The following TGFB2 variants were observed in gnomAD, a reference collection of about 807,000 sequenced individuals.
TGFB2 encodes transforming growth factor beta-2 proprotein.
In TGFB2, 13 loss-of-function variants were observed where a neutral mutation model predicts 42.7. The ratio of observed to expected loss-of-function variants is 0.30; its 90% CI spans 0.20 to 0.48. The LOEUF (loss-of-function observed/expected upper bound fraction) is 0.48. Ranked by LOEUF, TGFB2 falls within the 20% of genes least tolerant of loss-of-function variation. The pLI is 0.99. For synonymous variants in TGFB2, 193 were observed against 193.6 expected (o/e 1.00, Z 0.03); for missense variants, 390 against 517.5 (o/e 0.75, Z 2.39).
chr1:218,442,891 C>A lies in TGFB2; in HGVS notation c.*1529C>A, dbSNP rs937220134. The stretch of plus-strand genomic sequence containing the variant: ...TATTGAGTTAAGAAAAGTTTCTCTA[C>A]CTTGGTTTAATCAATATTTTTGTAA... On this transcript the variant is annotated 3_prime_UTR_variant, in exon 7 of 7. Transcript: ENST00000366930. 2.6e-5 allele frequency: 4 copies of A among 152,148 alleles called. No individual in the cohort carries two copies. The highest frequency in any genetic ancestry group is 9.7e-5 in the African/African-American group (4 of 41,446). The allele number at this position is 152,148 out of a possible 1,614,324, so 9.4% of individuals were successfully genotyped here.
intron 2 of TGFB2, among the ~76,000 whole-genome samples, chr1:218,409,228 G>A (rs1325681969): frequency 6.6e-6 from 1 of 152,218 alleles, no homozygotes; most frequent in Non-Finnish European, 1.5e-5. Context: ...CCATGGACCT[G>A]TACCGTCCAG....
chr1:218,373,836 G>A (rs759712175), intron 1 of TGFB2, among the ~76,000 whole-genome samples: 3 of 152,180 alleles, frequency 2.0e-5, no homozygotes, highest in Non-Finnish European at 2.9e-5. Context: ...AAAAAGACAA[G>A]TCTGGATGTG....
At chr1:218,368,830 A>G (rs1035609770) in intron 1 of TGFB2, among the ~76,000 whole-genome samples, 3 of 152,190 alleles carry the variant, frequency 2.0e-5, no homozygotes, top group African/African-American at 7.2e-5. Flanking sequence ...AAAGTATCCT[A>G]GGGATGAGAT....
chr1:218,371,048 C>T (rs1657554030), intron 1 of TGFB2, among the ~76,000 whole-genome samples: 1 of 152,154 alleles, frequency 6.6e-6, no homozygotes, highest in South Asian at 2.1e-4. Context: ...GCCTGTAATC[C>T]CAGCTCTTTG....
chr1:218,436,044 A>G lies in TGFB2; in HGVS notation c.829A>G (p.Lys277Glu). 1 of 1,614,120 alleles carries G rather than the reference A, an allele frequency of 6.2e-7. No individual in the cohort carries two copies. The highest frequency in any genetic ancestry group is 8.5e-7 in the Non-Finnish European group (1 of 1,179,976). The stretch of plus-strand genomic sequence containing the variant: ...GTCCACTAGGAAAAAAAACAGTGGG[A>G]AGACCCCACATCTCCTGCTAATGTT... ...IKSTRKKNSGKTPHLLLMLLP... is the reference protein window; with the variant it reads ...IKSTRKKNSGETPHLLLMLLP... Residue 277 changes from lysine to glutamate, a missense_variant, in exon 5 of 7, where the codon AAG becomes GAG. Lys to Glu is a moderately conservative substitution (Grantham distance 56). Coordinates refer to ENST00000366930, the MANE Select transcript of TGFB2 (RefSeq NM_003238.6).
chr1:218,408,751 A>T (rs11805848), intron 2 of TGFB2, among the ~76,000 whole-genome samples: 1 of 152,212 alleles, frequency 6.6e-6, no homozygotes. Context: ...AGAGGAGGAC[A>T]CCGTGACATC....
At chr1:218,350,085 G>A (rs760185638) in intron 1 of TGFB2, among the ~76,000 whole-genome samples, 14 of 152,196 alleles carry the variant, frequency 9.2e-5, no homozygotes, top group South Asian at 4.1e-4. Flanking sequence ...ACATCTATTC[G>A]AAAGATGCTG....
chr1:218,375,537 T>C (rs915725216), intron 1 of TGFB2, among the ~76,000 whole-genome samples: 1 of 152,128 alleles, frequency 6.6e-6, no homozygotes, highest in Non-Finnish European at 1.5e-5. Flanking sequence ...CTGAGTAAAT[T>C]GTCATTCATT....
At position 218,405,190 on chromosome 1, in the gene TGFB2, A is replaced by G. The variant is rs755563719; in HGVS notation, c.368A>G (p.Tyr123Cys). 6.2e-6 allele frequency: 10 copies of G among 1,602,006 alleles called. No homozygotes were observed. The South Asian group carries it at 1.0e-4, about 16-fold the overall frequency. The change falls in exon 2 of 7, where the codon TAC becomes TGC. Residue 123 changes from tyrosine to cysteine, a missense_variant. Transcript: ENST00000366930. Reference protein sequence around the residue: ...PSENAIPPTFYRPYFRIVRFD... With the variant: ...PSENAIPPTFCRPYFRIVRFD... Reference sequence around the variant, plus strand: ...ACAGATGCCATCCCGCCCACTTTCTACAGACCCTACTTCAGAATTGTTCGA... The same window carrying G: ...ACAGATGCCATCCCGCCCACTTTCTGCAGACCCTACTTCAGAATTGTTCGA...
intron 1 of TGFB2, among the ~76,000 whole-genome samples, chr1:218,366,341 C>G (rs1463579914): frequency 1.3e-5 from 2 of 152,088 alleles, no homozygotes; most frequent in Admixed American, 1.3e-4. Flanking sequence ...CAAGGTCTCT[C>G]TGTTGTCCAG....
intron 1 of TGFB2, among the ~76,000 whole-genome samples, chr1:218,364,130 G>A (rs1354124771): frequency 6.6e-6 from 1 of 152,224 alleles, no homozygotes; most frequent in Non-Finnish European, 1.5e-5. Context: ...AGGGAGACCT[G>A]TCGGGGAGTT....
At chr1:218,403,064 C>T (rs1389547333) in intron 1 of TGFB2, among the ~76,000 whole-genome samples, 1 of 152,234 alleles carries the variant, frequency 6.6e-6, no homozygotes, top group Non-Finnish European at 1.5e-5. Flanking sequence ...CTAGGGGGCT[C>T]CAAAAGCCTT....
intron 4 of TGFB2, 97 bp from the exon 5 acceptor site, chr1:218,435,873 C>G: frequency 1.6e-6 from 2 of 1,249,456 alleles, no homozygotes; most frequent in Non-Finnish European, 2.2e-6. Flanking sequence ...GTGGTCATCA[C>G]TGCTATTTGT....
chr1:218,399,790 C>G (rs1019775128), intron 1 of TGFB2, among the ~76,000 whole-genome samples: 1 of 151,944 alleles, frequency 6.6e-6, no homozygotes, highest in African/African-American at 2.4e-5. Flanking sequence ...GTCAGGCTAT[C>G]AGAGCACTGT....
In TGFB2 at chr1:218,358,548, C is replaced by CTT. The variant is rs34141354; in HGVS notation, c.346+11518_346+11519dup. The stretch of plus-strand genomic sequence containing the variant: ...GTTTCTACTTCCTTTATAGTGAACT[C>CTT]TTTTTTTTTTTTTTTTTTGAGACAG... On this transcript the variant is annotated intron_variant, in intron 1 of 6. Coordinates refer to ENST00000366930, the MANE Select transcript of TGFB2 (RefSeq NM_003238.6). 1.3e-3 allele frequency among the ~76,000 whole-genome samples: 173 copies of CTT among 134,034 alleles called. 5 individuals are homozygous for CTT. Among genetic ancestry groups the CTT allele is most frequent in the African/African-American group, 3.2e-3 (110 of 34,266 alleles). The allele number at this position is 134,034 out of a possible 152,430, so 87.9% of individuals were successfully genotyped here. A position where few individuals can be genotyped will look rare whatever the true frequency, so the allele number is the denominator to read the frequency against.
chr1:218,362,281 G>T (rs566010238), intron 1 of TGFB2, among the ~76,000 whole-genome samples: 1 of 152,304 alleles, frequency 6.6e-6, no homozygotes, highest in East Asian at 1.9e-4. Context: ...CTATAAACAT[G>T]GAAGGTGCAT....
intron 2 of TGFB2, among the ~76,000 whole-genome samples, chr1:218,412,129 A>G (rs1659121176): frequency 6.6e-6 from 1 of 152,198 alleles, no homozygotes; most frequent in South Asian, 2.1e-4. Context: ...CCATCTGGAG[A>G]TAAATTAGCC....
chr1:218,387,372 C>A (rs533444522), intron 1 of TGFB2, among the ~76,000 whole-genome samples: 1 of 152,212 alleles, frequency 6.6e-6, no homozygotes, highest in South Asian at 2.1e-4. Flanking sequence ...AGACTGTGCA[C>A]TTGTTAGAGG....
chr1:218,372,936 G>C (rs757251591), intron 1 of TGFB2, among the ~76,000 whole-genome samples: 14 of 152,160 alleles, frequency 9.2e-5, no homozygotes, highest in Non-Finnish European at 2.1e-4. Flanking sequence ...CAGCACTTTG[G>C]GAGACTGAGG....
Sources: gnomAD v4.1 joint callset for allele counts (sites outside exome capture counted in the v4.1 genomes callset) on GRCh38, gnomAD v4.1.1 for gene constraint, MANE v1.5 for transcripts, NCBI Gene and HGNC (gene_info 2026-07-23, HGNC 2026-07-21) for gene names.